The following ERCC6 variants were observed in gnomAD, a reference collection of about 807,000 sequenced individuals.
ERCC6 encodes DNA excision repair protein ERCC-6.
A neutral mutation model predicts 158.7 loss-of-function variants in ERCC6; 116 were observed. The ratio of observed to expected loss-of-function variants is 0.73; its 90% CI spans 0.63 to 0.85. ERCC6 has a LOEUF of 0.85. Ranked by LOEUF, ERCC6 falls within the 40% of genes least tolerant of loss-of-function variation. The pLI, the probability that ERCC6 is intolerant of heterozygous loss-of-function variation, is 0.00. For missense variants in ERCC6, 1,698 were observed against 1,799.4 expected (o/e 0.94, Z 1.02); for synonymous variants, 678 against 659.3 (o/e 1.03, Z -0.43).
chr10:49,455,087 T>A lies in ERCC6; in HGVS notation c.*3728A>T, dbSNP rs551444808. On this transcript the variant is annotated 3_prime_UTR_variant, in exon 21 of 21. Transcript: ENST00000355832. ...TTTACTATATTTTAAAACTTCCGTA[T>A]GATAAACATCACAAAATAGATATGT... Among the ~76,000 whole-genome samples, 8 of 152,280 alleles carry A rather than the reference T, an allele frequency of 5.3e-5. No individual in the cohort carries two copies. The highest frequency in any genetic ancestry group is 1.7e-4 in the African/African-American group (7 of 41,578).
chr10:49,465,794 C>G (rs976960045), intron 18 of ERCC6, among the ~76,000 whole-genome samples: 2 of 152,138 alleles, frequency 1.3e-5, no homozygotes, highest in African/African-American at 2.4e-5. Flanking sequence ...GTAAAGCCTC[C>G]CCAGTCATGT....
intron 6 of ERCC6, chr10:49,501,838 T>C (rs1851360074): frequency 6.6e-6 from 1 of 151,400 alleles, no homozygotes; most frequent in Non-Finnish European, 1.5e-5. Context: ...CACGTGCCTG[T>C]AGTCCTAGCT....
intron 7 of ERCC6, among the ~76,000 whole-genome samples, chr10:49,499,152 T>C (rs1427677566): frequency 2.6e-5 from 4 of 152,204 alleles, no homozygotes; most frequent in African/African-American, 7.2e-5. Context: ...CAAAATGTAA[T>C]AGAATTCTCA....
chr10:49,521,427 C>T (rs1204731395), intron 5 of ERCC6, among the ~76,000 whole-genome samples: 3 of 152,240 alleles, frequency 2.0e-5, no homozygotes, highest in East Asian at 3.9e-4. Context: ...ATTTGGCACC[C>T]GGAGCTCCCA....
chr10:49,480,609 A>C (rs912470), intron 10 of ERCC6, among the ~76,000 whole-genome samples: 137,616 of 152,278 alleles, frequency 0.9, 62,262 homozygotes, highest in East Asian at 1. Context: ...GTTCTCAAAT[A>C]ATTTTTCTAT....
chr10:49,515,540 C>T, intron 5 of ERCC6: 2 of 1,614,112 alleles, frequency 1.2e-6, no homozygotes, highest in Non-Finnish European at 1.7e-6. Context: ...GACCATGGGT[C>T]TCCAGATAAT....
intron 10 of ERCC6, among the ~76,000 whole-genome samples, chr10:49,478,996 G>A (rs1011384485): frequency 3.9e-5 from 6 of 152,064 alleles, no homozygotes; most frequent in Admixed American, 3.3e-4. Context: ...ACTTACAAGA[G>A]TAAGTTCAAC....
chr10:49,493,618 A>T (rs1411908561), intron 7 of ERCC6, among the ~76,000 whole-genome samples: 2 of 152,216 alleles, frequency 1.3e-5, no homozygotes, highest in African/African-American at 2.4e-5. Context: ...ACCTAAGTGA[A>T]CATAATAGAA....
At chr10:49,474,324 T>C (rs1309616671) in intron 12 of ERCC6, 82 bp from the exon 13 acceptor site, 12 of 1,047,192 alleles carry the variant, frequency 1.1e-5, no homozygotes, top group South Asian at 1.0e-4. Flanking sequence ...GTTTAACCTA[T>C]AACACAGACT....
Position 49,507,730 on chromosome 10 carries a change from G to A in ERCC6, c.1398-1718C>T, listed in dbSNP as rs375602505. ...TTCTTGGTTGTTAGAACTGTGGAAG[G>A]AGTCGGGAGGATATACTACTACTGG... is the stretch of plus-strand genomic sequence containing the variant. On this transcript the variant is annotated intron_variant, in intron 5 of 20. Coordinates refer to ENST00000355832, the MANE Select transcript of ERCC6 (RefSeq NM_000124.4). 7.9e-5 allele frequency among the ~76,000 whole-genome samples: 12 copies of A among 152,252 alleles called. No individual in the cohort carries two copies. In the East Asian group the frequency reaches 1.5e-3, roughly 20 times the overall value.
chr10:49,482,154 T>G (rs918306391), intron 10 of ERCC6, among the ~76,000 whole-genome samples: 6 of 152,186 alleles, frequency 3.9e-5, no homozygotes, highest in Admixed American at 6.5e-5. Context: ...GCATCCACAC[T>G]GTTGCCCTAA....
At chr10:49,469,796 G>T (rs1301115416) in intron 18 of ERCC6, among the ~76,000 whole-genome samples, 1 of 152,140 alleles carries the variant, frequency 6.6e-6, no homozygotes, top group Non-Finnish European at 1.5e-5. Context: ...TAGAATGTCT[G>T]TCTCTAGCCA....
At chr10:49,489,520 C>G (rs543497841) in intron 8 of ERCC6, among the ~76,000 whole-genome samples, 1 of 152,214 alleles carries the variant, frequency 6.6e-6, no homozygotes, top group African/African-American at 2.4e-5. Context: ...GAACCCTGGT[C>G]TTGTAAGCAC....
the ERCC6 span, among the ~76,000 whole-genome samples, chr10:49,436,038 G>A: frequency 1.3e-5 from 2 of 150,106 alleles, no homozygotes; most frequent in Non-Finnish European, 3.0e-5. Context: ...AAGCAAGGAA[G>A]ACTAAAAAAC....
At chr10:49,479,873 A>G (rs1012274114) in intron 10 of ERCC6, among the ~76,000 whole-genome samples, 5 of 152,172 alleles carry the variant, frequency 3.3e-5, no homozygotes, top group African/African-American at 1.2e-4. Flanking sequence ...TCATAAAAAC[A>G]CAAGGTGGGG....
chr10:49,486,481 T>C (rs895417586), intron 8 of ERCC6, among the ~76,000 whole-genome samples: 1 of 151,722 alleles, frequency 6.6e-6, no homozygotes, highest in South Asian at 2.1e-4. Context: ...TAAAGCAAAA[T>C]AATAATAACT....
intron 12 of ERCC6, chr10:49,475,358 C>T (rs776222699): frequency 2.3e-6 from 1 of 434,778 alleles, no homozygotes; most frequent in South Asian, 1.7e-5. Context: ...AATGTGACTA[C>T]TAGAAAATTT....
Position 49,531,721 on chromosome 10 carries a change from C to T in ERCC6, c.422+822G>A, listed in dbSNP as rs374796817. Among the ~76,000 whole-genome samples the T allele has an allele frequency of 1.2e-4, 18 of 152,322 alleles. 1 individual carries two copies. The highest frequency in any genetic ancestry group is 4.1e-4 in the African/African-American group (17 of 41,564). The stretch of plus-strand genomic sequence containing the variant: ...ACACCAGGGAATGGTTAGCAGAAAA[C>T]ATGTCTTTGAAGTACCAACAACCAC... On this transcript the variant is annotated intron_variant, in intron 2 of 20. Coordinates refer to ENST00000355832, the MANE Select transcript of ERCC6 (RefSeq NM_000124.4).
At chr10:49,454,038 T>TGTA (rs1850449855), downstream of ERCC6, among the ~76,000 whole-genome samples, 2 of 152,214 alleles carry the variant, frequency 1.3e-5, no homozygotes, top group Admixed American at 1.3e-4. Flanking sequence ...CTTTAAATAT[T>TGTA]TCCTTTTTCT....
Sources: allele counts gnomAD v4.1 joint callset (sites outside exome capture counted in the v4.1 genomes callset), GRCh38; gene constraint gnomAD v4.1.1; transcripts MANE v1.5; gene names NCBI Gene and HGNC (gene_info 2026-07-23, HGNC 2026-07-21).